LGALS3: variants seen among roughly 807,000 people sequenced by gnomAD.
LGALS3 encodes galectin-3.
In LGALS3, 18 loss-of-function variants were observed where a neutral mutation model predicts 20.7. The observed-to-expected ratio is 0.87, with a 90% CI of 0.60 to 1.29. The LOEUF (loss-of-function observed/expected upper bound fraction) is 1.29. LGALS3 is among the 50% of genes most tolerant of loss of function. The pLI, the probability that LGALS3 is intolerant of heterozygous loss-of-function variation, is 0.00. For missense variants in LGALS3, 315 were observed against 314.7 expected, an observed-to-expected ratio of 1.00 and a Z score of -0.01; for synonymous variants, 112 against 119.6, an observed-to-expected ratio of 0.94 and a Z score of 0.42.
intron 1 of LGALS3, among the ~76,000 whole-genome samples, chr14:55,131,486 G>A (rs980767913): frequency 5.4e-4 from 82 of 152,256 alleles, no homozygotes; most frequent in African/African-American, 1.9e-3. Context: ...TCAGAATCTC[G>A]TGTTGACCTT....
At chr14:55,143,433 T>C in intron 5 of LGALS3, 1 of 391,136 alleles carries the variant, frequency 2.6e-6, no homozygotes, top group Non-Finnish European at 5.0e-6. Context: ...GCACTTTTTT[T>C]TTTTTTCGAG....
Position 55,140,429 on chromosome 14 carries a change from A to C in LGALS3, c.431+66A>C, listed in dbSNP as rs1355468170. The C allele has an allele frequency of 9.1e-6, 9 of 992,578 alleles. No homozygotes were observed. In the East Asian group the frequency reaches 1.3e-4, roughly 14 times the overall value. The allele number at this position is 992,578 out of a possible 1,614,324, so 61.5% of individuals were successfully genotyped here. ...TTGGTTTTTGAATAAAGAATGGCCT[A>C]CTTTTTTTCTTCTTGCCCTGTCTTA... On this transcript the variant is annotated intron_variant, in intron 4 of 5. Coordinates refer to ENST00000254301, the MANE Select transcript of LGALS3 (RefSeq NM_002306.4).
intron 1 of LGALS3, among the ~76,000 whole-genome samples, chr14:55,133,961 C>A (rs912868865): frequency 6.6e-6 from 1 of 152,178 alleles, no homozygotes. Flanking sequence ...TTTTATTGAA[C>A]CACGTGTGTA....
At chr14:55,140,047 G>C (rs1220888651) in intron 3 of LGALS3, among the ~76,000 whole-genome samples, 4 of 151,200 alleles carry the variant, frequency 2.6e-5, no homozygotes, top group African/African-American at 4.9e-5. Context: ...AATTGGGATG[G>C]CCGTAGTAAT....
chr14:55,145,424 T>G, downstream of LGALS3: 1 of 1,384,276 alleles, frequency 7.2e-7, no homozygotes, highest in Non-Finnish European at 9.8e-7. Context: ...CCTGTCTCAA[T>G]ATGTCATTTA....
intron 2 of LGALS3, chr14:55,137,830 G>C (rs552502930): frequency 2.3e-6 from 3 of 1,300,890 alleles, no homozygotes; most frequent in East Asian, 5.7e-5. Context: ...TGAGACGTTG[G>C]GAGGCAAGAA....
intron 1 of LGALS3, among the ~76,000 whole-genome samples, chr14:55,136,330 AC>A (rs1176078601): frequency 6.6e-6 from 1 of 151,878 alleles, no homozygotes; most frequent in Non-Finnish European, 1.5e-5. Context: ...AAAAGCACAT[AC>A]AAACTTCAGC....
At chr14:55,135,509 G>A (rs1236185699) in intron 1 of LGALS3, among the ~76,000 whole-genome samples, 1 of 151,716 alleles carries the variant, frequency 6.6e-6, no homozygotes, top group Non-Finnish European at 1.5e-5. Context: ...TTAAGCCCTA[G>A]GAGGAGCTCT....
At chr14:55,132,979 T>A (rs1354001143) in intron 1 of LGALS3, among the ~76,000 whole-genome samples, 1 of 152,260 alleles carries the variant, frequency 6.6e-6, no homozygotes, top group South Asian at 2.1e-4. Context: ...CAAATGACTA[T>A]ACAAAATGGC....
intron 2 of LGALS3, chr14:55,137,596 G>A: frequency 6.8e-7 from 1 of 1,469,972 alleles, no homozygotes; most frequent in Non-Finnish European, 8.9e-7. Context: ...CGAGGCCTGG[G>A]ACTCACTCAC....
At chr14:55,134,817 T>C (rs1881332502) in intron 1 of LGALS3, among the ~76,000 whole-genome samples, 1 of 152,188 alleles carries the variant, frequency 6.6e-6, no homozygotes, top group Admixed American at 6.6e-5. Flanking sequence ...GGCATGGTCA[T>C]AACCTAACCA....
Position 55,138,162 on chromosome 14 carries a change from C to G in LGALS3, c.136C>G (p.Pro46Ala). 1 of 1,605,486 alleles carries G rather than the reference C, an allele frequency of 6.2e-7. No individual in the cohort carries two copies. The highest frequency in any genetic ancestry group is 8.5e-7 in the Non-Finnish European group (1 of 1,176,992). Residue 46 changes from proline (P) to alanine (A), a missense_variant, in exon 3 of 6, where the codon CCC becomes GCC. Physicochemically the swap from Pro to Ala is conservative, Grantham distance 27. Transcript: ENST00000254301. ...YPGASYPGAY[P>A]GQAPPGAYPG... ...AGGGGCTTCCTATCCTGGGGCCTACCCCGGGCAGGCACCCCCAGGGGCTTA... is the reference window on the plus strand; with the variant it reads ...AGGGGCTTCCTATCCTGGGGCCTACGCCGGGCAGGCACCCCCAGGGGCTTA...
chr14:55,138,706 G>A (rs1286473544), intron 3 of LGALS3, among the ~76,000 whole-genome samples: 1 of 152,170 alleles, frequency 6.6e-6, no homozygotes, highest in Non-Finnish European at 1.5e-5. Context: ...CACGCTATAA[G>A]ATACTGTTAA....
intron 1 of LGALS3, among the ~76,000 whole-genome samples, chr14:55,135,595 C>T (rs182501950): frequency 5.0e-4 from 58 of 115,352 alleles, no homozygotes; most frequent in Middle Eastern, 0.019. Context: ...GAGATGAGGT[C>T]GCTCTGTCAC....
rs188718564 is a variant in LGALS3 at position 55,133,202 on chromosome 14, T to C, written c.-5+3902T>C. Among the ~76,000 whole-genome samples, 4 of 151,994 alleles carry C rather than the reference T, an allele frequency of 2.6e-5. No individual in the cohort carries two copies. The East Asian group carries it at 7.7e-4, about 29-fold the overall frequency. Reference sequence around the variant, plus strand: ...AAATTTCAAAGTGTGATGTTTTCTATTGGTGTAGAATGAGCCTAAATAAGG... The same window carrying C: ...AAATTTCAAAGTGTGATGTTTTCTACTGGTGTAGAATGAGCCTAAATAAGG... On this transcript the variant is annotated intron_variant, in intron 1 of 5. Transcript: ENST00000254301.
chr14:55,132,904 G>C (rs1334042684), intron 1 of LGALS3, among the ~76,000 whole-genome samples: 1 of 152,242 alleles, frequency 6.6e-6, no homozygotes, highest in African/African-American at 2.4e-5. Flanking sequence ...ATGGTTGGAA[G>C]TTGACGGGGC....
In LGALS3 at chr14:55,130,599, GC is replaced by G. The variant is rs1304046286; in HGVS notation, c.-5+1302del. Among the ~76,000 whole-genome samples, 12 of 142,950 alleles carry G rather than the reference GC, an allele frequency of 8.4e-5. No individual in the cohort carries two copies. In the Admixed American group the frequency reaches 8.5e-4, roughly 10 times the overall value. The allele number at this position is 142,950 out of a possible 152,430, so 93.8% of individuals were successfully genotyped here. ...TTTGAGACGCAGTTTCGCTCTTGTT[GC>G]CCAGGCTGGAGTGCAACGGCACTAT... On this transcript the variant is annotated intron_variant, in intron 1 of 5. Coordinates refer to ENST00000254301, the MANE Select transcript of LGALS3 (RefSeq NM_002306.4).
In LGALS3 at chr14:55,144,007, T is replaced by C. The variant is rs185088551; in HGVS notation, c.598-1109T>C. 5.3e-4 allele frequency among the ~76,000 whole-genome samples: 81 copies of C among 152,324 alleles called. 1 individual carries two copies. The highest frequency in any genetic ancestry group is 1.8e-3 in the African/African-American group (73 of 41,578). ...TCAAATTGCTGCTTCCAAAAAGATA[T>C]AGGAATGAACATCCACTATTGGGAA... is the stretch of plus-strand genomic sequence containing the variant. On this transcript the variant is annotated intron_variant, in intron 5 of 5. Coordinates refer to ENST00000254301, the MANE Select transcript of LGALS3 (RefSeq NM_002306.4).
chr14:55,140,740 C>T (rs913141896), intron 4 of LGALS3, among the ~76,000 whole-genome samples: 6 of 152,124 alleles, frequency 3.9e-5, no homozygotes, highest in African/African-American at 9.7e-5. Context: ...CCTGGGAACC[C>T]GTCTTTTGAG....
Sources: allele counts gnomAD v4.1 joint callset (sites outside exome capture counted in the v4.1 genomes callset), GRCh38; gene constraint gnomAD v4.1.1; transcripts MANE v1.5; gene names NCBI Gene and HGNC (gene_info 2026-07-23, HGNC 2026-07-21).